CPNE4: variants seen among roughly 807,000 people sequenced by gnomAD.
CPNE4 encodes the protein copine-4.
A neutral mutation model predicts 67.9 loss-of-function variants in CPNE4; 25 were observed. The ratio of observed to expected loss-of-function variants is 0.37; its 90% confidence interval spans 0.27 to 0.51. The LOEUF is 0.51. Ranked by LOEUF, CPNE4 falls within the 20% of genes least tolerant of loss-of-function variation. The probability of loss-of-function intolerance (pLI) is 0.93; values close to 1 mark genes in which losing one functional copy is unlikely to be tolerated. For missense variants in CPNE4, 464 were observed against 690.8 expected (o/e 0.67, Z 3.68); for synonymous variants, 242 against 244.9 (o/e 0.99, Z 0.11).
At chr3:131,689,462 C>T (rs188000634) in intron 5 of CPNE4, among the ~76,000 whole-genome samples, 6 of 152,224 alleles carry the variant, frequency 3.9e-5, no homozygotes, top group African/African-American at 1.4e-4. Flanking sequence ...ATGATCATCT[C>T]AATAGACGTA....
At position 131,874,538 on chromosome 3, in the gene CPNE4, C is replaced by CT. The variant is rs534894608; in HGVS notation, c.180+30725dup. Among the ~76,000 whole-genome samples the CT allele has an allele frequency of 3.0e-3, 460 of 152,268 alleles. 2 individuals are homozygous for CT. The highest frequency in any genetic ancestry group is 0.011 in the African/African-American group (446 of 41,552). ...TGACCCTGGTAAAATCACAAGGTCT[C>CT]TAAGTTTTGGTTTCTTTACTAGAAA... is the stretch of plus-strand genomic sequence containing the variant. On this transcript the variant is annotated intron_variant, in intron 2 of 15. Coordinates refer to ENST00000429747, the MANE Select transcript of CPNE4 (RefSeq NM_130808.3).
rs149048002 is a variant in CPNE4, at chr3:131,760,395, T to C, written c.181-36770A>G. On this transcript the variant is annotated intron_variant, in intron 2 of 15. Transcript: ENST00000429747. ...TTTAACTGGCCTCAGTAGGCATAAC[T>C]ATTGAATTGCAGATTTGGTATTTGA... Among the ~76,000 whole-genome samples, 998 of 152,276 alleles carry C rather than the reference T, an allele frequency of 6.6e-3. 15 individuals carry two copies. Among genetic ancestry groups the C allele is most frequent in the African/African-American group, 0.022 (929 of 41,576 alleles).
intron 2 of CPNE4, among the ~76,000 whole-genome samples, chr3:131,900,558 G>A (rs756691612): frequency 7.2e-5 from 11 of 152,062 alleles, no homozygotes; most frequent in Non-Finnish European, 1.2e-4. Context: ...AAGGTCACAC[G>A]ACTGTCTGAG....
At chr3:131,710,744 T>G (rs1308391095) in intron 3 of CPNE4, among the ~76,000 whole-genome samples, 2 of 152,194 alleles carry the variant, frequency 1.3e-5, no homozygotes, top group African/African-American at 2.4e-5. Context: ...TCCCTTCGAT[T>G]GACAACCAAG....
At chr3:131,748,612 A>G (rs2082549744) in intron 2 of CPNE4, among the ~76,000 whole-genome samples, 2 of 152,226 alleles carry the variant, frequency 1.3e-5, no homozygotes, top group African/African-American at 4.8e-5. Context: ...CTTAATTGTT[A>G]TAGGACTAGT....
chr3:131,835,281 C>A (rs1466006888), intron 2 of CPNE4, among the ~76,000 whole-genome samples: 1 of 152,166 alleles, frequency 6.6e-6, no homozygotes. Context: ...GTAATCCCAG[C>A]ACTTTGGAAG....
At chr3:131,970,836 A>G (rs940016749) in intron 1 of CPNE4, among the ~76,000 whole-genome samples, 1 of 152,244 alleles carries the variant, frequency 6.6e-6, no homozygotes, top group Non-Finnish European at 1.5e-5. Flanking sequence ...TAATGTAGAT[A>G]TAGAATGAAC....
chr3:131,622,018 C>CAAAA (rs34415771), intron 7 of CPNE4, among the ~76,000 whole-genome samples: 37 of 57,934 alleles, frequency 6.4e-4, no homozygotes, highest in African/African-American at 1.4e-3. Flanking sequence ...GACCCTGTCT[C>CAAAA]AAAAAAAAAA....
At chr3:131,801,575 T>C (rs930576670) in intron 2 of CPNE4, among the ~76,000 whole-genome samples, 5 of 148,046 alleles carry the variant, frequency 3.4e-5, no homozygotes, top group African/African-American at 7.4e-5. Context: ...AAATCAGGTG[T>C]CCTAAAGGTC....
intron 6 of CPNE4, among the ~76,000 whole-genome samples, chr3:131,680,283 A>T (rs2080711117): frequency 6.8e-6 from 1 of 146,548 alleles, no homozygotes. Context: ...TGCTTGGTAA[A>T]TTTTCCTCCA....
intron 7 of CPNE4, among the ~76,000 whole-genome samples, chr3:131,615,136 T>C (rs1459257987): frequency 6.6e-6 from 1 of 152,216 alleles, no homozygotes; most frequent in Non-Finnish European, 1.5e-5. Flanking sequence ...GACGATATGC[T>C]ATTCCTAGGA....
chr3:131,789,479 T>C (rs1339617836), intron 2 of CPNE4, among the ~76,000 whole-genome samples: 2 of 152,170 alleles, frequency 1.3e-5, no homozygotes, highest in Non-Finnish European at 2.9e-5. Context: ...TGTGAAACCA[T>C]GGCCAAGTTA....
At chr3:131,752,733 A>G (rs2082661080) in intron 2 of CPNE4, among the ~76,000 whole-genome samples, 1 of 152,202 alleles carries the variant, frequency 6.6e-6, no homozygotes, top group African/African-American at 2.4e-5. Flanking sequence ...TTAACTGAAG[A>G]AATTTGTATA....
chr3:131,571,879 C>T (rs1937354883), intron 10 of CPNE4, among the ~76,000 whole-genome samples: 1 of 152,052 alleles, frequency 6.6e-6, no homozygotes, highest in African/African-American at 2.4e-5. Flanking sequence ...CCCCTAAATA[C>T]ATCCTGTTTA....
intron 2 of CPNE4, among the ~76,000 whole-genome samples, chr3:131,861,668 G>A (rs2086693494): frequency 6.6e-6 from 1 of 151,966 alleles, no homozygotes; most frequent in Non-Finnish European, 1.5e-5. Flanking sequence ...CCTGACCTCA[G>A]GCGATCCACC....
chr3:132,020,500 C>T (rs561786257), intron 1 of CPNE4, among the ~76,000 whole-genome samples: 2 of 152,312 alleles, frequency 1.3e-5, no homozygotes, highest in African/African-American at 4.8e-5. Flanking sequence ...GTGGGAACTC[C>T]AGTTCCTGAA....
chr3:131,701,659 GGAA>G, intron 3 of CPNE4, among the ~76,000 whole-genome samples: 1 of 152,272 alleles, frequency 6.6e-6, no homozygotes, highest in South Asian at 2.1e-4. Flanking sequence ...GCGTAAGCCT[GGAA>G]GAAGATTCTC....
Position 131,561,337 on chromosome 3 carries a change from CTGTGTGTGTG to C in CPNE4, c.1061+2869_1061+2878del, listed in dbSNP as rs56788885. Among the ~76,000 whole-genome samples the C allele has an allele frequency of 1.1e-3, 162 of 148,366 alleles. 1 individual carries two copies. The highest frequency in any genetic ancestry group is 3.8e-3 in the African/African-American group (154 of 40,434). On this transcript the variant is annotated intron_variant, in intron 11 of 15. Coordinates refer to ENST00000429747, the MANE Select transcript of CPNE4 (RefSeq NM_130808.3). ...TGCTACAACTTGAGCTTGTGTGGGCCTGTGTGTGTGTGTGTGTGTGCGCACATACATGCGT... is the reference window on the plus strand; with the variant it reads ...TGCTACAACTTGAGCTTGTGTGGGCCTGTGTGTGTGCGCACATACATGCGT...
intron 2 of CPNE4, among the ~76,000 whole-genome samples, chr3:131,848,951 G>A (rs1445867043): frequency 6.2e-5 from 3 of 48,446 alleles, no homozygotes; most frequent in African/African-American, 9.7e-5. Context: ...TGACAGTAGT[G>A]ATTACAAAAA....
Sources: gnomAD v4.1 joint callset for allele counts (sites outside exome capture counted in the v4.1 genomes callset) on GRCh38, gnomAD v4.1.1 for gene constraint, MANE v1.5 for transcripts, NCBI Gene and HGNC (gene_info 2026-07-23, HGNC 2026-07-21) for gene names.